Variants in HDAC9 observed in about 807,000 individuals in gnomAD.
HDAC9 encodes histone deacetylase 9.
A neutral mutation model predicts 139.4 loss-of-function variants in HDAC9; 41 were observed. That is an observed-to-expected ratio of 0.29 (90% CI 0.23 to 0.38). The LOEUF (loss-of-function observed/expected upper bound fraction) is 0.38. HDAC9 is among the 10% of genes least tolerant of loss of function. The pLI is 1.00. For synonymous variants in HDAC9, 517 were observed against 476.2 expected, an observed-to-expected ratio of 1.09 and a Z score of -1.12; for missense variants, 1,147 against 1,297.0, an observed-to-expected ratio of 0.88 and a Z score of 1.78.
chr7:18,251,321 A>C (rs1794904411), intron 2 of HDAC9, among the ~76,000 whole-genome samples: 1 of 152,138 alleles, frequency 6.6e-6, no homozygotes, highest in Non-Finnish European at 1.5e-5. Context: ...ACACATGGAC[A>C]CACTGGGAGG....
intron 1 of HDAC9, among the ~76,000 whole-genome samples, chr7:18,304,275 G>A (rs540089525): frequency 1.3e-5 from 2 of 152,258 alleles, no homozygotes; most frequent in African/African-American, 4.8e-5. Context: ...TTTATGGATG[G>A]GAGCTTTGAG....
At chr7:18,405,784 ACTTTAGCACTTGAACTAAAATACCG>A (rs745558510) in intron 1 of HDAC9, among the ~76,000 whole-genome samples, 68 of 152,378 alleles carry the variant, frequency 4.5e-4, no homozygotes, top group Admixed American at 7.2e-4. Context: ...GCCATCTTCA[ACTTTAGCACTTGAACTAAAATACCG>A]CTTTAGCACT....
chr7:18,206,758 T>G lies in HDAC9; in HGVS notation c.25+44409T>G, dbSNP rs142254327. 1.6e-3 allele frequency among the ~76,000 whole-genome samples: 239 copies of G among 152,256 alleles called. 1 individual carries two copies. Among genetic ancestry groups the G allele is most frequent in the African/African-American group, 5.5e-3 (227 of 41,556 alleles). On this transcript the variant is annotated intron_variant, in intron 2 of 12. Transcript: ENST00000417496. ...ATTCACTTTTTGGAGGGGTGCATCA[T>G]GCTTTTTGAGGACACACTGAAATTT...
At chr7:18,769,042 T>A (rs1174380982) in intron 16 of HDAC9, among the ~76,000 whole-genome samples, 2 of 152,182 alleles carry the variant, frequency 1.3e-5, no homozygotes, top group Non-Finnish European at 2.9e-5. Flanking sequence ...GTGTATTAAA[T>A]TCTTTTTTGA....
chr7:18,730,025 G>T (rs1404800576), intron 13 of HDAC9, among the ~76,000 whole-genome samples: 1 of 152,188 alleles, frequency 6.6e-6, no homozygotes, highest in Non-Finnish European at 1.5e-5. Flanking sequence ...AGGAATATTT[G>T]TTAGCTCATT....
At chr7:18,584,031 G>A (rs1663602521) in intron 2 of HDAC9, among the ~76,000 whole-genome samples, 1 of 151,990 alleles carries the variant, frequency 6.6e-6, no homozygotes, top group Non-Finnish European at 1.5e-5. Flanking sequence ...TGGCATGGAT[G>A]CTGGTCATTC....
At chr7:18,840,342 G>A (rs1010832251) in intron 21 of HDAC9, among the ~76,000 whole-genome samples, 1 of 151,980 alleles carries the variant, frequency 6.6e-6, no homozygotes, top group Non-Finnish European at 1.5e-5. Context: ...ATTTTCAATA[G>A]ACAGTGAATC....
chr7:18,915,135 A>C (rs1803073451), intron 22 of HDAC9, among the ~76,000 whole-genome samples: 1 of 152,088 alleles, frequency 6.6e-6, no homozygotes, highest in African/African-American at 2.4e-5. Context: ...TGTGTTTTCA[A>C]ATGTGGCATC....
At chr7:18,688,769 G>A (rs1782460946) in intron 12 of HDAC9, among the ~76,000 whole-genome samples, 1 of 151,978 alleles carries the variant, frequency 6.6e-6, no homozygotes, top group South Asian at 2.1e-4. Flanking sequence ...TTAAATTGGA[G>A]CAGGGCAGAG....
chr7:18,959,391 G>A (rs1384410169), intron 24 of HDAC9, among the ~76,000 whole-genome samples: 1 of 152,072 alleles, frequency 6.6e-6, no homozygotes, highest in Non-Finnish European at 1.5e-5. Flanking sequence ...TTCCTTTTAA[G>A]TGTCAACCAA....
chr7:18,312,487 A>G (rs1473887502), intron 1 of HDAC9, among the ~76,000 whole-genome samples: 1 of 152,146 alleles, frequency 6.6e-6, no homozygotes, highest in Non-Finnish European at 1.5e-5. Context: ...TTTCACTGCT[A>G]CATAGTAGTT....
intron 21 of HDAC9, among the ~76,000 whole-genome samples, chr7:18,872,664 A>G (rs2129244760): frequency 6.6e-6 from 1 of 152,208 alleles, no homozygotes; most frequent in East Asian, 1.9e-4. Flanking sequence ...CTGTGTTTTC[A>G]GTGTTCTAAA....
intron 1 of HDAC9, among the ~76,000 whole-genome samples, chr7:18,406,495 G>A (rs1162550980): frequency 6.6e-6 from 1 of 151,892 alleles, no homozygotes; most frequent in African/African-American, 2.4e-5. Flanking sequence ...CCGGGTTTAC[G>A]CCATTTTCCT....
At chr7:18,402,074 A>G (rs2128734911) in intron 1 of HDAC9, among the ~76,000 whole-genome samples, 1 of 152,260 alleles carries the variant, frequency 6.6e-6, no homozygotes, top group African/African-American at 2.4e-5. Flanking sequence ...CCTTTTTGAG[A>G]AAGGAAACAA....
intron 1 of HDAC9, among the ~76,000 whole-genome samples, chr7:18,116,869 C>A (rs748878558): frequency 1.4e-4 from 22 of 152,104 alleles, no homozygotes; most frequent in African/African-American, 5.3e-4. Context: ...AATAAATGTG[C>A]TAAATTTGAT....
chr7:18,593,786 C>T, intron 5 of HDAC9, 122 bp from the exon 6 acceptor site: 1 of 997,452 alleles, frequency 1.0e-6, no homozygotes, highest in Non-Finnish European at 1.5e-6. Flanking sequence ...GGTTTGTATA[C>T]ACTAAGGAGA....
intron 22 of HDAC9, among the ~76,000 whole-genome samples, chr7:18,878,737 T>G (rs1799507559): frequency 6.6e-6 from 1 of 151,514 alleles, no homozygotes; most frequent in Non-Finnish European, 1.5e-5. Context: ...AGCATTCCCC[T>G]TGAAAACTGG....
intron 17 of HDAC9, among the ~76,000 whole-genome samples, chr7:18,793,939 T>C (rs1446865430): frequency 2.0e-5 from 3 of 152,146 alleles, no homozygotes; most frequent in African/African-American, 2.4e-5. Context: ...AGAGTGTGTT[T>C]TTCCATGAAA....
intron 1 of HDAC9, among the ~76,000 whole-genome samples, chr7:18,458,436 G>C (rs1023647137): frequency 6.6e-6 from 1 of 152,156 alleles, no homozygotes; most frequent in Admixed American, 6.5e-5. Flanking sequence ...ATAGAATTCA[G>C]ATGAGTTTGT....
Sources: gnomAD v4.1 joint callset for allele counts (sites outside exome capture counted in the v4.1 genomes callset) on GRCh38, gnomAD v4.1.1 for gene constraint, MANE v1.5 for transcripts, NCBI Gene and HGNC (gene_info 2026-07-23, HGNC 2026-07-21) for gene names.